The following OSBPL9 variants were observed in gnomAD, a reference collection of about 807,000 sequenced individuals.
The protein encoded by OSBPL9 is oxysterol-binding protein-related protein 9.
OSBPL9 carries 40 observed loss-of-function variants against 106.6 expected under a neutral mutation model. The observed-to-expected ratio is 0.38, with a 90% confidence interval of 0.29 to 0.49. OSBPL9 has a LOEUF of 0.49. OSBPL9 is among the 20% of genes least tolerant of loss of function. OSBPL9 has a pLI of 0.97. For missense variants in OSBPL9, 609 were observed against 887.2 expected, an observed-to-expected ratio of 0.69 and a Z score of 3.98; for synonymous variants, 269 against 295.4, an observed-to-expected ratio of 0.91 and a Z score of 0.92.
At chr1:51,591,369 C>T (rs988967801) in intron 1 of OSBPL9, among the ~76,000 whole-genome samples, 53 of 152,296 alleles carry the variant, frequency 3.5e-4, no homozygotes, top group African/African-American at 1.2e-3. Flanking sequence ...ACCACCCCTG[C>T]CCACTCTTTA....
intron 1 of OSBPL9, among the ~76,000 whole-genome samples, chr1:51,639,120 G>C (rs1226451528): frequency 6.6e-6 from 1 of 150,982 alleles, no homozygotes; most frequent in Admixed American, 6.6e-5. Context: ...AATTAGTTGA[G>C]TCTTTGCATT....
chr1:51,757,236 C>T (rs1056965118), intron 9 of OSBPL9, among the ~76,000 whole-genome samples: 1 of 151,916 alleles, frequency 6.6e-6, no homozygotes, highest in Non-Finnish European at 1.5e-5. Flanking sequence ...TTGCGTATTT[C>T]TTAAGAAAGC....
chr1:51,710,168 C>T (rs1034903970), intron 3 of OSBPL9, among the ~76,000 whole-genome samples: 7 of 152,248 alleles, frequency 4.6e-5, no homozygotes, highest in South Asian at 2.1e-4. Flanking sequence ...AAAATCATGA[C>T]GTCATTGTGA....
intron 4 of OSBPL9, among the ~76,000 whole-genome samples, chr1:51,741,596 C>G (rs1666937737): frequency 6.6e-6 from 1 of 150,780 alleles, no homozygotes; most frequent in South Asian, 2.1e-4. Context: ...GGGTCTTACC[C>G]TGTGCCCAGG....
intron 2 of OSBPL9, among the ~76,000 whole-genome samples, chr1:51,608,244 T>C (rs997607948): frequency 4.6e-5 from 7 of 152,188 alleles, no homozygotes; most frequent in African/African-American, 1.7e-4. Context: ...CTTCTGTCTG[T>C]TGGGAGACTG....
chr1:51,618,605 A>AGCT (rs1310275286), intron 1 of OSBPL9, among the ~76,000 whole-genome samples: 1 of 152,194 alleles, frequency 6.6e-6, no homozygotes, highest in African/African-American at 2.4e-5. Context: ...AATATTATTG[A>AGCT]GCTGCTATGT....
At chr1:51,707,466 A>T (rs1254766912) in intron 3 of OSBPL9, 1 of 178,060 alleles carries the variant, frequency 5.6e-6, no homozygotes, top group Non-Finnish European at 1.2e-5. Flanking sequence ...TGATCTTCCC[A>T]TTCAGTTTGG....
chr1:51,527,091 C>T, the OSBPL9 span, among the ~76,000 whole-genome samples: 4 of 152,080 alleles, frequency 2.6e-5, no homozygotes, highest in African/African-American at 9.7e-5. Context: ...CCCCTAACAT[C>T]AGGACAATGG....
the OSBPL9 span, among the ~76,000 whole-genome samples, chr1:51,520,473 T>G: frequency 6.6e-6 from 1 of 152,236 alleles, no homozygotes; most frequent in African/African-American, 2.4e-5. Context: ...GTTGAGGGTT[T>G]GTCTCCACCT....
At chr1:51,774,720 C>T (rs1024348532) in intron 14 of OSBPL9, among the ~76,000 whole-genome samples, 3 of 152,114 alleles carry the variant, frequency 2.0e-5, no homozygotes, top group Admixed American at 2.0e-4. Context: ...TAAACAAGCT[C>T]TTGAACCCAG....
chr1:51,740,250 C>G (rs375471773), intron 4 of OSBPL9: 1 of 1,478,226 alleles, frequency 6.8e-7, no homozygotes, highest in East Asian at 2.6e-5. Context: ...ATACTTCTTT[C>G]ATTGGATGAA....
chr1:51,752,619 G>A lies in OSBPL9; in HGVS notation c.543+2424G>A, dbSNP rs367709645. 8.0e-5 allele frequency: 36 copies of A among 450,596 alleles called. No individual in the cohort carries two copies. The East Asian group carries it at 1.1e-3, about 14-fold the overall frequency. The allele number at this position is 450,596 out of a possible 1,614,324, so 27.9% of individuals were successfully genotyped here. A position where few individuals can be genotyped will look rare whatever the true frequency, so the allele number is the denominator to read the frequency against. On this transcript the variant is annotated intron_variant, in intron 8 of 23. Transcript: ENST00000428468. The stretch of plus-strand genomic sequence containing the variant: ...AAGAACAGAAGTTTATTTTCTCACC[G>A]TTCTGGAAGCCAGAAGTCCAAGATC...
intron 9 of OSBPL9, chr1:51,759,555 G>A (rs889763486): frequency 1.3e-5 from 2 of 152,086 alleles, no homozygotes; most frequent in African/African-American, 4.8e-5. Flanking sequence ...TATATGTGAA[G>A]TTCAGTTTTC....
At chr1:51,627,332 G>C (rs1209121882) in intron 1 of OSBPL9, among the ~76,000 whole-genome samples, 2 of 152,020 alleles carry the variant, frequency 1.3e-5, no homozygotes, top group Non-Finnish European at 2.9e-5. Flanking sequence ...ATGAGGTAAG[G>C]GTCCACCTTT....
intron 4 of OSBPL9, among the ~76,000 whole-genome samples, chr1:51,716,777 G>A (rs1297069683): frequency 6.6e-6 from 1 of 152,116 alleles, no homozygotes; most frequent in Non-Finnish European, 1.5e-5. Flanking sequence ...GTCTTCCAAA[G>A]GGGTATAGGA....
At chr1:51,532,618 C>G in the OSBPL9 span, among the ~76,000 whole-genome samples, 1 of 152,192 alleles carries the variant, frequency 6.6e-6, no homozygotes, top group Non-Finnish European at 1.5e-5. Context: ...CCAGTTGACA[C>G]AGTTGTGGGT....
intron 3 of OSBPL9, among the ~76,000 whole-genome samples, chr1:51,678,782 G>GTGCTAC (rs1651876966): frequency 6.6e-6 from 1 of 152,214 alleles, no homozygotes; most frequent in Non-Finnish European, 1.5e-5. Context: ...GGCAACATCA[G>GTGCTAC]TGCTACTGCA....
chr1:51,518,306 A>G, the OSBPL9 span: 1 of 152,514 alleles, frequency 6.6e-6, no homozygotes, highest in East Asian at 1.9e-4. Context: ...ACAGGAAGCA[A>G]CGAGGCAAGA....
the OSBPL9 span, among the ~76,000 whole-genome samples, chr1:51,545,428 C>T: frequency 6.6e-6 from 1 of 152,028 alleles, no homozygotes; most frequent in African/African-American, 2.4e-5. Flanking sequence ...AAAAAATTAT[C>T]CAGGCGTGGT....
Sources: gnomAD v4.1 joint callset for allele counts (sites outside exome capture counted in the v4.1 genomes callset) on GRCh38, gnomAD v4.1.1 for gene constraint, MANE v1.5 for transcripts, NCBI Gene and HGNC (gene_info 2026-07-23, HGNC 2026-07-21) for gene names.